Variants in CSMD3 observed in about 807,000 individuals in gnomAD.
CSMD3 encodes CUB and sushi domain-containing protein 3.
In CSMD3, 177 loss-of-function variants were observed where a neutral mutation model predicts 435.2. That is an observed-to-expected ratio of 0.41 (90% confidence interval 0.36 to 0.46). The LOEUF is 0.46. CSMD3 is among the 20% of genes least tolerant of loss of function. CSMD3 has a pLI of 0.34. For synonymous variants in CSMD3, 1,656 were observed against 1,520.5 expected, an observed-to-expected ratio of 1.09 and a Z score of -2.07; for missense variants, 4,265 against 4,504.6, an observed-to-expected ratio of 0.95 and a Z score of 1.52.
intron 22 of CSMD3, among the ~76,000 whole-genome samples, chr8:112,591,575 C>G (rs1040770190): frequency 6.6e-6 from 1 of 151,994 alleles, no homozygotes; most frequent in Non-Finnish European, 1.5e-5. Context: ...ACAACTGAGT[C>G]TTTTTATTTT....
intron 10 of CSMD3, among the ~76,000 whole-genome samples, chr8:112,867,335 C>CT (rs994576681): frequency 6.6e-6 from 1 of 152,102 alleles, no homozygotes; most frequent in Non-Finnish European, 1.5e-5. Flanking sequence ...CATGGCATAT[C>CT]ATTCCCCTCA....
chr8:113,118,755 T>G (rs909112104), intron 4 of CSMD3, among the ~76,000 whole-genome samples: 7 of 152,188 alleles, frequency 4.6e-5, no homozygotes, highest in African/African-American at 1.4e-4. Flanking sequence ...GACTTCTTTA[T>G]CAGTATCCTA....
intron 36 of CSMD3, among the ~76,000 whole-genome samples, chr8:112,388,225 C>T (rs1018396789): frequency 6.6e-6 from 1 of 152,078 alleles, no homozygotes; most frequent in African/African-American, 2.4e-5. Context: ...GAACAGAGCA[C>T]AACGGCATAA....
chr8:112,985,512 A>G (rs1440139596), intron 6 of CSMD3, among the ~76,000 whole-genome samples: 1 of 152,142 alleles, frequency 6.6e-6, no homozygotes, highest in South Asian at 2.1e-4. Context: ...ACAAGGTATT[A>G]AAGAGCTACA....
intron 5 of CSMD3, among the ~76,000 whole-genome samples, chr8:113,024,320 T>TG (rs2086795316): frequency 3.9e-4 from 1 of 2,546 alleles, no homozygotes; most frequent in Admixed American, 5.9e-3. Flanking sequence ...GTGTGTGTGT[T>TG]TGTGTGTGTG....
At chr8:113,212,393 T>C (rs2092847236) in intron 3 of CSMD3, among the ~76,000 whole-genome samples, 1 of 152,146 alleles carries the variant, frequency 6.6e-6, no homozygotes, top group South Asian at 2.1e-4. Context: ...TTGCAAATAA[T>C]TCACATCTTC....
At chr8:113,055,510 C>T (rs1296346651) in intron 5 of CSMD3, among the ~76,000 whole-genome samples, 1 of 152,140 alleles carries the variant, frequency 6.6e-6, no homozygotes, top group African/African-American at 2.4e-5. Flanking sequence ...CAACAAGTCC[C>T]CAAGCTTTAA....
intron 59 of CSMD3, among the ~76,000 whole-genome samples, chr8:112,273,263 C>T (rs983974775): frequency 2.0e-5 from 3 of 146,504 alleles, no homozygotes; most frequent in African/African-American, 7.7e-5. Flanking sequence ...CATAAATAAA[C>T]AAAATTGTTA....
chr8:113,420,311 G>A (rs1165591062), intron 1 of CSMD3, among the ~76,000 whole-genome samples: 1 of 151,922 alleles, frequency 6.6e-6, no homozygotes, highest in African/African-American at 2.4e-5. Context: ...CTAAATGAAG[G>A]AGGAGATTCA....
intron 5 of CSMD3, among the ~76,000 whole-genome samples, chr8:113,089,041 C>CA (rs1554772395): frequency 6.6e-6 from 1 of 151,708 alleles, no homozygotes; most frequent in East Asian, 1.9e-4. Context: ...CGTGTTCTTT[C>CA]TTTTTTTTCT....
intron 23 of CSMD3, among the ~76,000 whole-genome samples, chr8:112,581,677 C>T (rs1333750241): frequency 1.3e-5 from 2 of 151,992 alleles, no homozygotes; most frequent in Non-Finnish European, 2.9e-5. Flanking sequence ...TTCCTAGATG[C>T]TGGAGTTAAA....
intron 4 of CSMD3, among the ~76,000 whole-genome samples, chr8:113,102,809 C>T (rs181301587): frequency 1.3e-3 from 201 of 152,198 alleles, no homozygotes; most frequent in African/African-American, 4.6e-3. Flanking sequence ...AGGGTCAGAC[C>T]TTGCAGGACA....
intron 32 of CSMD3, among the ~76,000 whole-genome samples, chr8:112,448,413 G>T (rs1039334559): frequency 6.6e-6 from 1 of 152,124 alleles, no homozygotes. Flanking sequence ...CCAATGGCTG[G>T]TGTCTTTATA....
chr8:112,947,756 G>A (rs1467459961), intron 9 of CSMD3, 34 bp downstream of exon 9: 3 of 869,366 alleles, frequency 3.5e-6, no homozygotes, highest in East Asian at 4.9e-5. Context: ...ACCTTGACAA[G>A]ATAAATAATG....
intron 24 of CSMD3, among the ~76,000 whole-genome samples, chr8:112,562,055 G>A (rs138980050): frequency 2.6e-4 from 40 of 151,608 alleles, no homozygotes; most frequent in Non-Finnish European, 4.6e-4. Context: ...ACATGTACAC[G>A]TGTTTTTATA....
chr8:112,859,102 T>C (rs1240401450), intron 11 of CSMD3, 43 bp downstream of exon 11: 14 of 1,579,364 alleles, frequency 8.9e-6, no homozygotes, highest in Admixed American at 1.7e-5. Context: ...TTTGTCTTTA[T>C]GATTATGACT....
At chr8:113,219,386 T>C (rs953120320) in intron 3 of CSMD3, among the ~76,000 whole-genome samples, 3 of 150,656 alleles carry the variant, frequency 2.0e-5, no homozygotes, top group Non-Finnish European at 4.5e-5. Context: ...AATTAGCAAA[T>C]AGAACACTAA....
Position 112,341,648 on chromosome 8 carries a change from T to G in CSMD3, c.6481A>C (p.Ile2161Leu), listed in dbSNP as rs1380409150. 6.2e-7 allele frequency: 1 copy of G among 1,613,008 alleles called. No homozygotes were observed. Among genetic ancestry groups the G allele is most frequent in the East Asian group, 2.2e-5 (1 of 44,840 alleles). ...CTTCGTACTTCCAAATAATCATGTATGGTTTCTGTAGAAAAATTTACAAAC... is the reference window on the plus strand; with the variant it reads ...CTTCGTACTTCCAAATAATCATGTAGGGTTTCTGTAGAAAAATTTACAAAC... ...LQFVNFSTETIHDYLEVRSGS... is the reference protein window; with the variant it reads ...LQFVNFSTETLHDYLEVRSGS... Residue 2161 changes from isoleucine to leucine, a missense_variant, in exon 42 of 71, where the codon ATA becomes CTA. Around this residue, in one of 3 missense-constraint regions of CSMD3, gnomAD observed 3,255 missense variants for 3,380.2 expected, o/e 0.96. Coordinates refer to ENST00000297405, the MANE Select transcript of CSMD3 (RefSeq NM_198123.2).
chr8:112,707,463 T>G, intron 13 of CSMD3, among the ~76,000 whole-genome samples: 2 of 120,682 alleles, frequency 1.7e-5, no homozygotes, highest in Non-Finnish European at 3.3e-5. Flanking sequence ...TTATTGGGGG[T>G]GGTAGTGGTG....
Sources: allele counts gnomAD v4.1 joint callset (sites outside exome capture counted in the v4.1 genomes callset), GRCh38; gene constraint gnomAD v4.1.1; regional missense constraint gnomAD v4.1.1; transcripts MANE v1.5; gene names NCBI Gene and HGNC (gene_info 2026-07-23, HGNC 2026-07-21).